Variants in NEFM observed in about 807,000 individuals in gnomAD.
NEFM encodes the protein neurofilament medium polypeptide.
NEFM carries 16 observed loss-of-function variants against 48.1 expected under a neutral mutation model. The observed-to-expected ratio is 0.33, with a 90% CI of 0.23 to 0.51. NEFM has a LOEUF of 0.51. Ranked by LOEUF, NEFM falls within the 20% of genes least tolerant of loss-of-function variation. NEFM has a pLI of 0.98. For synonymous variants in NEFM, 465 were observed against 456.9 expected (o/e 1.02, Z -0.23); for missense variants, 1,107 against 1,136.0 (o/e 0.97, Z 0.37).
At chr8:24,916,800 G>C (rs1159201904) in intron 2 of NEFM, among the ~76,000 whole-genome samples, 1 of 152,148 alleles carries the variant, frequency 6.6e-6, no homozygotes, top group Non-Finnish European at 1.5e-5. Flanking sequence ...TTAGTAGCTG[G>C]GTGTGGTTAG....
rs932985297 is a variant in NEFM, at chr8:24,917,005, T to C, written c.1206-56T>C. The C allele has an allele frequency of 4.2e-6, 6 of 1,420,486 alleles. No individual in the cohort carries two copies. In the African/African-American group the frequency reaches 8.4e-5, roughly 20 times the overall value. The allele number at this position is 1,420,486 out of a possible 1,614,324, so 88.0% of individuals were successfully genotyped here. A position where few individuals can be genotyped will look rare whatever the true frequency, so the allele number is the denominator to read the frequency against. On this transcript the variant is annotated intron_variant, in intron 2 of 2. Coordinates refer to ENST00000221166, the MANE Select transcript of NEFM (RefSeq NM_005382.2). ...CACAATACCCAGAATGTAATGAAGCTCAGAAGGCCTAGTGAAATTTTTACT... is the reference window on the plus strand; with the variant it reads ...CACAATACCCAGAATGTAATGAAGCCCAGAAGGCCTAGTGAAATTTTTACT...
Position 24,917,922 on chromosome 8 carries a change from G to A in NEFM, c.2067G>A (p.Glu689=). The change falls in exon 3 of 3, where the codon GAG becomes GAA. Residue 689 remains glutamate, a synonymous_variant. Coordinates refer to ENST00000221166, the MANE Select transcript of NEFM (RefSeq NM_005382.2). ...CTGTGCCAAAATCACCAGTGGAAGA[G>A]GCAAAGTCAAAAGCAGAAGTGGGGA... ...KSPVPKSPVE[E]AKSKAEVGKG... The A allele has an allele frequency of 1.9e-6, 3 of 1,614,088 alleles. No individual in the cohort carries two copies. Among genetic ancestry groups the A allele is most frequent in the Non-Finnish European group, 2.5e-6 (3 of 1,180,022 alleles).
chr8:24,914,994 G>T, intron 1 of NEFM, 121 bp downstream of exon 1: 1 of 1,415,880 alleles, frequency 7.1e-7, no homozygotes, highest in Non-Finnish European at 9.1e-7. Flanking sequence ...GCTAGAGCAC[G>T]CGCGCCGCAG....
At position 24,913,847 on chromosome 8, in the gene NEFM, C is replaced by G. The variant is rs753235986; in HGVS notation, c.54C>G (p.Thr18=). 2 of 1,605,450 alleles carry G rather than the reference C, an allele frequency of 1.2e-6. No individual in the cohort carries two copies. The highest frequency in any genetic ancestry group is 1.1e-5 in the South Asian group (1 of 90,248). Residue 18 remains threonine, a synonymous_variant, in exon 1 of 3, where the codon ACC becomes ACG. Transcript: ENST00000221166. ...LGNPSAYRRV[T]ETRSSFSRVS... ...ACCCGTCCGCCTACCGGCGGGTAAC[C>G]GAGACCCGCTCGAGCTTCAGCCGCG...
Position 24,917,376 on chromosome 8 carries a change from T to G in NEFM, c.1521T>G (p.Ala507=), listed in dbSNP as rs554182199. ...CCGAAGCTGAAGAAGAAGAAGTAGCTGCCAAAAAGTCTCCAGTGAAAGCAA... is the reference window on the plus strand; with the variant it reads ...CCGAAGCTGAAGAAGAAGAAGTAGCGGCCAAAAAGTCTCCAGTGAAAGCAA... The part of the protein sequence containing the change: ...EEPEAEEEEV[A]AKKSPVKATA... Residue 507 remains alanine, a synonymous_variant, in exon 3 of 3, where the codon GCT becomes GCG. Transcript: ENST00000221166. 6.3e-7 allele frequency: 1 copy of G among 1,585,702 alleles called. No homozygotes were observed. Among genetic ancestry groups the G allele is most frequent in the East Asian group, 2.3e-5 (1 of 43,320 alleles).
At chr8:24,915,823 G>A in intron 2 of NEFM, 94 bp downstream of exon 2, 1 of 1,550,378 alleles carries the variant, frequency 6.5e-7, no homozygotes, top group Non-Finnish European at 8.9e-7. Flanking sequence ...AGCAGGCAGG[G>A]TGCAGGCATC....
Position 24,913,814 on chromosome 8 carries a change from G to A in NEFM, c.21G>A (p.Ser7=). 1.9e-6 allele frequency: 3 copies of A among 1,609,762 alleles called. No individual in the cohort carries two copies. The highest frequency in any genetic ancestry group is 1.1e-5 in the South Asian group (1 of 90,698). Residue 7 remains serine (S), a synonymous_variant, in exon 1 of 3, where the codon TCG becomes TCA. Coordinates refer to ENST00000221166, the MANE Select transcript of NEFM (RefSeq NM_005382.2). ...CCAAGATGAGCTACACGTTGGACTC[G>A]CTGGGCAACCCGTCCGCCTACCGGC... The part of the protein sequence containing the change: MSYTLD[S]LGNPSAYRRV...
At chr8:24,914,984 G>A (rs1000936027) in intron 1 of NEFM, 111 bp downstream of exon 1, 1 of 1,419,676 alleles carries the variant, frequency 7.0e-7, no homozygotes, top group African/African-American at 1.5e-5. Context: ...GTGGCCGCTC[G>A]CTAGAGCACG....
Position 24,918,190 on chromosome 8 carries a change from G to C in NEFM, c.2335G>C (p.Gly779Arg). The C allele has an allele frequency of 6.4e-7, 1 of 1,552,544 alleles. No individual in the cohort carries two copies. Among genetic ancestry groups the C allele is most frequent in the Non-Finnish European group, 8.7e-7 (1 of 1,147,628 alleles). The stretch of plus-strand genomic sequence containing the variant: ...GGAGAAAGAGAAGGAGAAAGCGGGA[G>C]GAGAGGGAGGAAGTGAGGAGGAAGG... Reference protein sequence around the residue: ...QQEKEKEKAGGEGGSEEEGSD... With the variant: ...QQEKEKEKAGREGGSEEEGSD... Residue 779 changes from glycine (G) to arginine (R), a missense_variant, in exon 3 of 3, where the codon GGA (glycine) becomes CGA (arginine). By Grantham distance (125) the Gly-to-Arg change is moderately radical. This residue lies in a region of NEFM where 917 missense variants were observed against 916.4 expected (regional missense o/e 1.00). Transcript: ENST00000221166.
intron 1 of NEFM, 132 bp downstream of exon 1, chr8:24,915,005 A>G (rs1802551555): frequency 7.1e-7 from 1 of 1,405,140 alleles, no homozygotes; most frequent in South Asian, 1.6e-5. Flanking sequence ...CGCGCCGCAG[A>G]CCTAGGGTAT....
At chr8:24,915,089 C>T (rs1176645125) in intron 1 of NEFM, 2 of 1,368,838 alleles carry the variant, frequency 1.5e-6, no homozygotes, top group Non-Finnish European at 1.9e-6. Context: ...TGCTAAGGGT[C>T]TTGACCTTTT....
chr8:24,916,687 T>C (rs6557783), intron 2 of NEFM, among the ~76,000 whole-genome samples: 78,046 of 151,982 alleles, frequency 0.51, 22,847 homozygotes, highest in Admixed American at 0.68. Context: ...TTTATGGCTT[T>C]TTGTTTTTTT....
intron 2 of NEFM, among the ~76,000 whole-genome samples, chr8:24,916,410 G>A (rs865941906): frequency 7.9e-5 from 12 of 152,256 alleles, no homozygotes; most frequent in Middle Eastern, 6.8e-3. Flanking sequence ...ATTAACTGAA[G>A]TGACCTTGCT....
Position 24,914,445 on chromosome 8 carries a change from G to T in NEFM, c.652G>T (p.Val218Leu), listed in dbSNP as rs757721955. The change falls in exon 1 of 3, where the codon GTG becomes TTG. Residue 218 changes from valine to leucine, a missense_variant. Physicochemically the swap from Val to Leu is conservative, Grantham distance 32. Transcript: ENST00000221166. ...CATCGAGGAGGCGTCGCTGGTCAAG[G>T]TGGAGCTGGACAAGAAGGTGCAGTC... Reference protein sequence around the residue: ...KDIEEASLVKVELDKKVQSLQ... With the variant: ...KDIEEASLVKLELDKKVQSLQ... 5.0e-6 allele frequency: 8 copies of T among 1,613,806 alleles called. No individual in the cohort carries two copies. The highest frequency in any genetic ancestry group is 6.8e-6 in the Non-Finnish European group (8 of 1,180,022).
In NEFM at chr8:24,918,062, C is replaced by T. The variant is rs1273300663; in HGVS notation, c.2207C>T (p.Ser736Phe). The change falls in exon 3 of 3, where the codon TCC becomes TTC. Residue 736 changes from serine to phenylalanine, a missense_variant. Physicochemically the swap from Ser to Phe is radical, Grantham distance 155. Coordinates refer to ENST00000221166, the MANE Select transcript of NEFM (RefSeq NM_005382.2). ...GTGCCAGAGAAGAAGAAAGCTGAGT[C>T]CCCTGTAAAGGAGGAAGCTGTGGCA... ...KDVPEKKKAE[S>F]PVKEEAVAEV... 1.3e-6 allele frequency: 2 copies of T among 1,553,606 alleles called. No homozygotes were observed. Among genetic ancestry groups the T allele is most frequent in the African/African-American group, 1.4e-5 (1 of 73,190 alleles).
At position 24,918,208 on chromosome 8, in the gene NEFM, G is replaced by C; in HGVS notation, c.2353G>C (p.Glu785Gln). 1 of 1,554,134 alleles carries C rather than the reference G, an allele frequency of 6.4e-7. No individual in the cohort carries two copies. Among genetic ancestry groups the C allele is most frequent in the Non-Finnish European group, 8.7e-7 (1 of 1,148,496 alleles). The change falls in exon 3 of 3, where the codon GAG becomes CAG. Residue 785 changes from glutamate to glutamine, a missense_variant. Around this residue, in one of 3 missense-constraint regions of NEFM, gnomAD observed 917 missense variants for 916.4 expected, o/e 1.00. Coordinates refer to ENST00000221166, the MANE Select transcript of NEFM (RefSeq NM_005382.2). ...AGCGGGAGGAGAGGGAGGAAGTGAG[G>C]AGGAAGGGAGTGATAAAGGTGCCAA... is the stretch of plus-strand genomic sequence containing the variant. ...EKAGGEGGSE[E>Q]EGSDKGAKGS...
At position 24,918,317 on chromosome 8, in the gene NEFM, G is replaced by A; in HGVS notation, c.2462G>A (p.Ser821Asn). ...EVEQETKEKG[S>N]GREEEKGVVT... ...GAGCAGGAGACCAAGGAAAAAGGCA[G>A]TGGGAGGGAAGAGGAGAAAGGCGTT... The change falls in exon 3 of 3, where the codon AGT (serine) becomes AAT (asparagine). Residue 821 changes from serine (S) to asparagine (N), a missense_variant. Coordinates refer to ENST00000221166, the MANE Select transcript of NEFM (RefSeq NM_005382.2). The A allele has an allele frequency of 6.2e-7, 1 of 1,613,886 alleles. No homozygotes were observed. Among genetic ancestry groups the A allele is most frequent in the Non-Finnish European group, 8.5e-7 (1 of 1,179,930 alleles).
In NEFM at chr8:24,914,756, G is replaced by A. The variant is rs201232572; in HGVS notation, c.963G>A (p.Arg321=). ...RSAKEEIAEY[R]RQLQSKSIEL... ...CCAAGGAAGAGATCGCCGAGTACCG[G>A]CGCCAGCTGCAGTCCAAGAGCATCG... Residue 321 remains arginine (R), a synonymous_variant, in exon 1 of 3, where the codon CGG becomes CGA. Transcript: ENST00000221166. 1.7e-4 allele frequency: 274 copies of A among 1,612,618 alleles called. No individual in the cohort carries two copies. Among genetic ancestry groups the A allele is most frequent in the Non-Finnish European group, 2.3e-4 (267 of 1,179,496 alleles).
At chr8:24,915,891 G>C (rs1426682953) in intron 2 of NEFM, among the ~76,000 whole-genome samples, 162 bp downstream of exon 2, 1 of 152,198 alleles carries the variant, frequency 6.6e-6, no homozygotes, top group African/African-American at 2.4e-5. Context: ...AGAATTGCAA[G>C]TGTAGTTTTA....
Sources: gnomAD v4.1 joint callset for allele counts (sites outside exome capture counted in the v4.1 genomes callset) on GRCh38, gnomAD v4.1.1 for gene constraint, gnomAD v4.1.1 regional missense constraint, MANE v1.5 for transcripts, NCBI Gene and HGNC (gene_info 2026-07-23, HGNC 2026-07-21) for gene names.